Variants in CALN1 observed in about 807,000 individuals in gnomAD.
CALN1 encodes calneuron 1.
Under a neutral mutation model 30.6 loss-of-function variants are expected in CALN1, and 17 were observed. The observed-to-expected ratio is 0.56, with a 90% CI of 0.38 to 0.83. The LOEUF (loss-of-function observed/expected upper bound fraction) is 0.83, where lower values mean the gene tolerates loss of function less well. CALN1 is among the 40% of genes least tolerant of loss of function. CALN1 has a pLI of 0.00. For missense variants in CALN1, 291 were observed against 354.9 expected (o/e 0.82, Z 1.45); for synonymous variants, 156 against 131.4 (o/e 1.19, Z -1.28).
chr7:72,230,768 T>G (rs957322874), intron 3 of CALN1, among the ~76,000 whole-genome samples: 1 of 152,188 alleles, frequency 6.6e-6, no homozygotes, highest in African/African-American at 2.4e-5. Context: ...AATAAATTCG[T>G]ATTCTGTTAA....
intron 5 of CALN1, among the ~76,000 whole-genome samples, chr7:71,830,773 C>T (rs926076199): frequency 2.6e-5 from 4 of 152,202 alleles, no homozygotes; most frequent in Non-Finnish European, 5.9e-5. Context: ...TCCTTAGCTT[C>T]CCTGTGAAAA....
intron 3 of CALN1, among the ~76,000 whole-genome samples, chr7:72,112,000 C>T (rs543664979): frequency 1.3e-5 from 2 of 152,124 alleles, no homozygotes; most frequent in African/African-American, 2.4e-5. Flanking sequence ...ATCCACCCCC[C>T]TCTGCTTCCC....
At position 71,999,217 on chromosome 7, in the gene CALN1, A is replaced by G. The variant is rs141474135; in HGVS notation, c.501+24440T>C. On this transcript the variant is annotated intron_variant, in intron 5 of 6. Coordinates refer to ENST00000395275, the MANE Select transcript of CALN1 (RefSeq NM_031468.4). ...AGTCAACTTCAGAGCAAAGAAAATCACTATTTAATAGAAGCAAAGAGGGAC... is the reference window on the plus strand; with the variant it reads ...AGTCAACTTCAGAGCAAAGAAAATCGCTATTTAATAGAAGCAAAGAGGGAC... Among the ~76,000 whole-genome samples, 8 of 152,360 alleles carry G rather than the reference A, an allele frequency of 5.3e-5. No homozygotes were observed. In the East Asian group the frequency reaches 1.5e-3, roughly 29 times the overall value.
intron 2 of CALN1, among the ~76,000 whole-genome samples, chr7:72,390,654 G>A (rs1176955921): frequency 6.6e-6 from 1 of 152,130 alleles, no homozygotes; most frequent in African/African-American, 2.4e-5. Flanking sequence ...AGCAATGCCC[G>A]ACTGTGCCAC....
chr7:72,265,294 C>T (rs1397054257), intron 3 of CALN1, among the ~76,000 whole-genome samples: 3 of 152,120 alleles, frequency 2.0e-5, no homozygotes, highest in East Asian at 1.9e-4. Flanking sequence ...AGTGGAGCAA[C>T]GTTTAGATGC....
chr7:72,200,932 T>C (rs1289022139), intron 3 of CALN1, among the ~76,000 whole-genome samples: 2 of 152,220 alleles, frequency 1.3e-5, no homozygotes, highest in Admixed American at 6.5e-5. Flanking sequence ...ATTACTGGGA[T>C]ATACCCAAAG....
At chr7:72,489,028 T>G in the CALN1 span, among the ~76,000 whole-genome samples, 5 of 152,276 alleles carry the variant, frequency 3.3e-5, no homozygotes, top group South Asian at 2.1e-4. Context: ...GTAAAATTTT[T>G]TTTTCTTCTA....
chr7:72,276,737 A>G (rs1184839164), intron 3 of CALN1, among the ~76,000 whole-genome samples: 2 of 152,162 alleles, frequency 1.3e-5, no homozygotes, highest in African/African-American at 4.8e-5. Context: ...ATGAAACAGC[A>G]TGAAGGCCCT....
intron 2 of CALN1, among the ~76,000 whole-genome samples, chr7:72,296,134 T>C (rs1351505470): frequency 3.3e-5 from 5 of 152,118 alleles, no homozygotes; most frequent in Middle Eastern, 3.4e-3. Flanking sequence ...GTGGTTTTTG[T>C]CTTTGGCTCT....
At chr7:72,478,079 T>A in the CALN1 span, among the ~76,000 whole-genome samples, 8 of 151,356 alleles carry the variant, frequency 5.3e-5, no homozygotes, top group Non-Finnish European at 1.0e-4. Context: ...AATGAATGAA[T>A]GAAAATGGAT....
At chr7:72,280,302 A>C (rs1356155244) in intron 2 of CALN1, among the ~76,000 whole-genome samples, 2 of 152,214 alleles carry the variant, frequency 1.3e-5, no homozygotes, top group Non-Finnish European at 2.9e-5. Context: ...GCAAGAGCCA[A>C]CTGTCAGCTT....
rs572050776 is a variant in CALN1 at position 72,388,360 on chromosome 7, G to C, written c.119+14891C>G. ...TGGTCTCAGGAGTCTTGGAGAGCAA[G>C]GAAAAATGCAAAAAAAACAAACAAA... On this transcript the variant is annotated intron_variant, in intron 2 of 6. Transcript: ENST00000395275. 4.9e-4 allele frequency among the ~76,000 whole-genome samples: 74 copies of C among 151,802 alleles called. No homozygotes were observed. In the South Asian group the frequency reaches 0.011, roughly 22 times the overall value.
chr7:72,099,307 T>C (rs1159863982), intron 4 of CALN1, among the ~76,000 whole-genome samples: 1 of 143,918 alleles, frequency 6.9e-6, no homozygotes, highest in Non-Finnish European at 1.5e-5. Flanking sequence ...ATCATCCACA[T>C]ACTAGTTTGG....
chr7:72,369,741 G>A (rs1258770439), intron 2 of CALN1, among the ~76,000 whole-genome samples: 1 of 152,114 alleles, frequency 6.6e-6, no homozygotes, highest in Non-Finnish European at 1.5e-5. Flanking sequence ...TGTCCTATAT[G>A]TACTTTTGTT....
chr7:72,300,787 G>T (rs1799206076), intron 2 of CALN1, among the ~76,000 whole-genome samples: 1 of 152,202 alleles, frequency 6.6e-6, no homozygotes, highest in Non-Finnish European at 1.5e-5. Flanking sequence ...GAGGTCAGGA[G>T]TTCGAGACCA....
intron 1 of CALN1, among the ~76,000 whole-genome samples, chr7:72,406,947 A>G (rs1806737161): frequency 6.6e-6 from 1 of 152,028 alleles, no homozygotes; most frequent in Non-Finnish European, 1.5e-5. Flanking sequence ...TAGGTGACCT[A>G]CCCACTTCCT....
chr7:72,358,825 TATAA>T (rs1177382162), intron 2 of CALN1, among the ~76,000 whole-genome samples: 1 of 151,836 alleles, frequency 6.6e-6, no homozygotes, highest in Non-Finnish European at 1.5e-5. Context: ...GGCGGGCACC[TATAA>T]TGCCTGTAAT....
intron 3 of CALN1, among the ~76,000 whole-genome samples, chr7:72,245,306 A>C (rs943831847): frequency 1.3e-5 from 2 of 152,024 alleles, no homozygotes; most frequent in Non-Finnish European, 1.5e-5. Context: ...CAGTACTGTG[A>C]TGTGACTCAT....
At chr7:72,021,348 C>T (rs939762086) in intron 5 of CALN1, among the ~76,000 whole-genome samples, 1 of 152,020 alleles carries the variant, frequency 6.6e-6, no homozygotes, top group Non-Finnish European at 1.5e-5. Context: ...GAAGGAGAAA[C>T]GCCCAGGGGA....
Sources: gnomAD v4.1 joint callset for allele counts (sites outside exome capture counted in the v4.1 genomes callset) on GRCh38, gnomAD v4.1.1 for gene constraint, MANE v1.5 for transcripts, NCBI Gene and HGNC (gene_info 2026-07-23, HGNC 2026-07-21) for gene names.